Variants in RBMS3 observed in about 807,000 individuals in gnomAD.
RBMS3 encodes the protein RNA-binding motif, single-stranded-interacting protein 3.
Under a neutral mutation model 66.8 loss-of-function variants are expected in RBMS3, and 27 were observed. The observed-to-expected ratio is 0.40, with a 90% CI of 0.30 to 0.56. The LOEUF is 0.56. Ranked by LOEUF, RBMS3 falls within the 20% of genes least tolerant of loss-of-function variation. RBMS3 has a pLI of 0.40. For missense variants in RBMS3, 513 were observed against 549.5 expected, an observed-to-expected ratio of 0.93 and a Z score of 0.66; for synonymous variants, 188 against 183.0, an observed-to-expected ratio of 1.03 and a Z score of -0.22.
chr3:29,736,554 G>A (rs574377030), intron 4 of RBMS3, among the ~76,000 whole-genome samples: 7 of 141,904 alleles, frequency 4.9e-5, no homozygotes, highest in African/African-American at 1.5e-4. Context: ...CTGATCAAGG[G>A]CAAAGGGGTA....
chr3:29,981,390 C>A (rs540943188), intron 12 of RBMS3, among the ~76,000 whole-genome samples: 2 of 152,304 alleles, frequency 1.3e-5, no homozygotes, highest in South Asian at 2.1e-4. Flanking sequence ...GACAATTGGA[C>A]TTCCTCTCTT....
At position 30,007,084 on chromosome 3, in the gene RBMS3, T is replaced by G. The variant is rs1281053346; in HGVS notation, c.*3222T>G. 5 of 152,016 alleles carry G rather than the reference T, an allele frequency of 3.3e-5. No homozygotes were observed. Among genetic ancestry groups the G allele is most frequent in the Non-Finnish European group, 7.4e-5 (5 of 67,938 alleles). The allele number at this position is 152,016 out of a possible 1,614,324, so 9.4% of individuals were successfully genotyped here. On this transcript the variant is annotated 3_prime_UTR_variant, in exon 15 of 15. Coordinates refer to ENST00000383767, the MANE Select transcript of RBMS3 (RefSeq NM_001003793.3). The stretch of plus-strand genomic sequence containing the variant: ...CAACGGCACATACTCAAATTTGCCC[T>G]GCTTTGTCTGTTGTCTTACCTAAGA...
At chr3:29,567,461 T>C (rs2046783944) in intron 3 of RBMS3, among the ~76,000 whole-genome samples, 1 of 152,152 alleles carries the variant, frequency 6.6e-6, no homozygotes, top group Non-Finnish European at 1.5e-5. Flanking sequence ...TGTTCTCCAG[T>C]AGGTAAACGC....
At chr3:29,695,989 G>T (rs1472069862) in intron 4 of RBMS3, among the ~76,000 whole-genome samples, 1 of 152,182 alleles carries the variant, frequency 6.6e-6, no homozygotes, top group Non-Finnish European at 1.5e-5. Flanking sequence ...ACTAAACCAA[G>T]ACCAGGCTCT....
chr3:29,933,632 C>G (rs2061188419), intron 10 of RBMS3, among the ~76,000 whole-genome samples: 1 of 151,952 alleles, frequency 6.6e-6, no homozygotes. Flanking sequence ...CATATCCTTC[C>G]CCAAGAATCC....
At chr3:29,869,592 A>C (rs963508004) in intron 7 of RBMS3, among the ~76,000 whole-genome samples, 1 of 152,154 alleles carries the variant, frequency 6.6e-6, no homozygotes, top group Non-Finnish European at 1.5e-5. Context: ...ACAGCTCACT[A>C]TCCATTTACC....
At chr3:29,771,793 A>G (rs536183979) in intron 6 of RBMS3, among the ~76,000 whole-genome samples, 1 of 152,104 alleles carries the variant, frequency 6.6e-6, no homozygotes, top group South Asian at 2.1e-4. Flanking sequence ...CATGACCTAC[A>G]TGGCTGGTGC....
chr3:29,940,249 C>T (rs1193361956), intron 11 of RBMS3, among the ~76,000 whole-genome samples: 1 of 151,894 alleles, frequency 6.6e-6, no homozygotes, highest in East Asian at 1.9e-4. Flanking sequence ...CCATTCTCTA[C>T]CCTGTTGTCA....
intron 3 of RBMS3, among the ~76,000 whole-genome samples, chr3:29,574,229 T>G (rs1308599848): frequency 1.3e-5 from 2 of 152,210 alleles, no homozygotes; most frequent in East Asian, 1.9e-4. Context: ...GCTTTATATA[T>G]CAGGGTGCTC....
intron 10 of RBMS3, among the ~76,000 whole-genome samples, chr3:29,922,147 TGTTA>T (rs1374212644): frequency 1.3e-5 from 2 of 152,258 alleles, no homozygotes; most frequent in African/African-American, 4.8e-5. Flanking sequence ...TATTATAGCT[TGTTA>T]AAGTTATTTA....
At chr3:29,513,408 C>T (rs979583599) in intron 3 of RBMS3, among the ~76,000 whole-genome samples, 5 of 152,092 alleles carry the variant, frequency 3.3e-5, no homozygotes, top group South Asian at 2.1e-4. Context: ...CCTCTGTGAA[C>T]GATATCTCTG....
At chr3:29,965,666 C>T (rs774625553) in intron 12 of RBMS3, among the ~76,000 whole-genome samples, 60 of 152,112 alleles carry the variant, frequency 3.9e-4, no homozygotes, top group Non-Finnish European at 6.5e-4. Flanking sequence ...GATTTTCTCC[C>T]GTTCTGTGGG....
chr3:29,382,816 G>A (rs1447995534), intron 1 of RBMS3, among the ~76,000 whole-genome samples: 1 of 149,498 alleles, frequency 6.7e-6, no homozygotes, highest in African/African-American at 2.4e-5. Context: ...ATCCAGAGAT[G>A]AGACATCCTG....
At chr3:29,892,802 A>AGTATGTAT (rs370739212) in intron 8 of RBMS3, among the ~76,000 whole-genome samples, 1,678 of 140,224 alleles carry the variant, frequency 0.012, 19 homozygotes, top group African/African-American at 0.021. Context: ...CTCTGCTTGA[A>AGTATGTAT]GTATGTATGT....
At chr3:29,295,535 T>C (rs1347058903) in intron 1 of RBMS3, among the ~76,000 whole-genome samples, 3 of 151,422 alleles carry the variant, frequency 2.0e-5, no homozygotes, top group South Asian at 2.1e-4. Flanking sequence ...CTGAAATAAC[T>C]AATATTAATA....
At chr3:29,327,766 C>T (rs1156799462) in intron 1 of RBMS3, among the ~76,000 whole-genome samples, 2 of 152,100 alleles carry the variant, frequency 1.3e-5, no homozygotes, top group African/African-American at 4.8e-5. Flanking sequence ...TCATGTCTTC[C>T]AAGGATCGCA....
At chr3:29,599,364 A>G (rs973655690) in intron 4 of RBMS3, among the ~76,000 whole-genome samples, 1 of 151,832 alleles carries the variant, frequency 6.6e-6, no homozygotes, top group Non-Finnish European at 1.5e-5. Context: ...GTTCTCTGTA[A>G]ATATATAATC....
chr3:29,434,063 A>G (rs1324311295), intron 1 of RBMS3, among the ~76,000 whole-genome samples: 1 of 152,202 alleles, frequency 6.6e-6, no homozygotes, highest in Non-Finnish European at 1.5e-5. Context: ...CAGATGGTTT[A>G]TAGTGCCTAG....
At chr3:29,295,346 CAT>C (rs201617597) in intron 1 of RBMS3, among the ~76,000 whole-genome samples, 1 of 124,644 alleles carries the variant, frequency 8.0e-6, no homozygotes, top group Middle Eastern at 4.1e-3. Flanking sequence ...TATATATATA[CAT>C]ATATATATAC....
Sources: allele counts gnomAD v4.1 joint callset (sites outside exome capture counted in the v4.1 genomes callset), GRCh38; gene constraint gnomAD v4.1.1; transcripts MANE v1.5; gene names NCBI Gene and HGNC (gene_info 2026-07-23, HGNC 2026-07-21).